The following DAPL1 variants were observed in gnomAD, a reference collection of about 807,000 sequenced individuals.
DAPL1 encodes the protein death-associated protein-like 1.
DAPL1 carries 17 observed loss-of-function variants against 12.9 expected under a neutral mutation model. The observed-to-expected ratio is 1.32, with a 90% confidence interval of 0.90 to 1.98. The LOEUF (loss-of-function observed/expected upper bound fraction) is 1.98, where lower values mean the gene tolerates loss of function less well. DAPL1 is among the 30% of genes most tolerant of loss of function. The pLI is 0.00. For missense variants in DAPL1, 157 were observed against 125.7 expected, an observed-to-expected ratio of 1.25 and a Z score of -1.19; for synonymous variants, 51 against 42.0, an observed-to-expected ratio of 1.21 and a Z score of -0.82.
chr2:158,796,491 G>A (rs1362489296), intron 1 of DAPL1, among the ~76,000 whole-genome samples: 1 of 152,072 alleles, frequency 6.6e-6, no homozygotes, highest in Non-Finnish European at 1.5e-5. Flanking sequence ...GATTACTGAT[G>A]TTTTATATTT....
chr2:158,810,064 C>T (rs888269831), intron 3 of DAPL1, among the ~76,000 whole-genome samples: 1 of 152,154 alleles, frequency 6.6e-6, no homozygotes, highest in Admixed American at 6.5e-5. Flanking sequence ...TAGTCACAAA[C>T]TGTATGTACT....
rs546076818 is a variant in DAPL1, at chr2:158,797,649, G to A, written c.58+2219G>A. Among the ~76,000 whole-genome samples, 156 of 152,120 alleles carry A rather than the reference G, an allele frequency of 1.0e-3. 1 individual carries two copies. The highest frequency in any genetic ancestry group is 3.3e-3 in the African/African-American group (135 of 41,496). On this transcript the variant is annotated intron_variant, in intron 1 of 3. Transcript: ENST00000309950. ...TCTATTAAAAATACAAAAATTAGCC[G>A]GGCGTGGGGCATGTGCCTGTAATCC...
chr2:158,814,601 G>A (rs376994576), intron 3 of DAPL1, among the ~76,000 whole-genome samples: 29 of 152,256 alleles, frequency 1.9e-4, no homozygotes, highest in Admixed American at 3.9e-4. Flanking sequence ...GTCACATTTC[G>A]TATGAAAGGG....
intron 1 of DAPL1, among the ~76,000 whole-genome samples, chr2:158,797,193 C>A (rs2059139337): frequency 6.6e-6 from 1 of 152,104 alleles, no homozygotes; most frequent in Non-Finnish European, 1.5e-5. Flanking sequence ...TGGGTTTGAA[C>A]CTCAACTTCA....
rs114898151 is a variant in DAPL1 at position 158,797,351 on chromosome 2, C to T, written c.58+1921C>T. On this transcript the variant is annotated intron_variant, in intron 1 of 3. Coordinates refer to ENST00000309950, the MANE Select transcript of DAPL1 (RefSeq NM_001017920.3). The stretch of plus-strand genomic sequence containing the variant: ...TGTTAGCCCCCTTAAAATGCAGGCC[C>T]GGTAGAACACATCACTATCAAAAGA... 6.0e-3 allele frequency among the ~76,000 whole-genome samples: 909 copies of T among 152,176 alleles called. 7 individuals are homozygous for T. Among genetic ancestry groups the T allele is most frequent in the South Asian group, 0.013 (64 of 4,818 alleles).
intron 2 of DAPL1, among the ~76,000 whole-genome samples, chr2:158,806,447 G>C (rs531789639): frequency 6.6e-6 from 1 of 152,142 alleles, no homozygotes; most frequent in African/African-American, 2.4e-5. Flanking sequence ...ATCCTTAGGG[G>C]CAGCTGGTTT....
At position 158,815,756 on chromosome 2, in the gene DAPL1, C is replaced by A. The variant is rs928590933; in HGVS notation, c.259C>A (p.Pro87Thr). ...TVHMAHQKPTPALEKVVPLKR... is the reference protein window; with the variant it reads ...TVHMAHQKPTTALEKVVPLKR... The stretch of plus-strand genomic sequence containing the variant: ...GCACATGGCGCATCAAAAACCCACA[C>A]CTGCTCTGGAAAAGGTTGTTCCACT... Residue 87 changes from proline (P) to threonine (T), a missense_variant, in exon 4 of 4, where the codon CCT becomes ACT. Pro to Thr is a conservative substitution (Grantham distance 38). Coordinates refer to ENST00000309950, the MANE Select transcript of DAPL1 (RefSeq NM_001017920.3). The A allele has an allele frequency of 2.5e-6, 4 of 1,613,966 alleles. No individual in the cohort carries two copies. The African/African-American group carries it at 4.0e-5, about 16-fold the overall frequency.
At chr2:158,813,839 G>C (rs1575231721) in intron 3 of DAPL1, among the ~76,000 whole-genome samples, 1 of 152,028 alleles carries the variant, frequency 6.6e-6, no homozygotes, top group Non-Finnish European at 1.5e-5. Context: ...GCAGGTGTGG[G>C]CCACCGAGCC....
At chr2:158,813,557 C>CTTTTTTT (rs11355982) in intron 3 of DAPL1, among the ~76,000 whole-genome samples, 1 of 132,896 alleles carries the variant, frequency 7.5e-6, no homozygotes, top group African/African-American at 2.9e-5. Flanking sequence ...TTTCCTTTTT[C>CTTTTTTT]TTTTTTTTTT....
At chr2:158,806,816 A>G (rs2059204383) in intron 2 of DAPL1, among the ~76,000 whole-genome samples, 1 of 150,568 alleles carries the variant, frequency 6.6e-6, no homozygotes, top group Admixed American at 6.7e-5. Context: ...AGCTTGGGCA[A>G]CAAGAGCGAA....
intron 1 of DAPL1, among the ~76,000 whole-genome samples, chr2:158,801,796 G>A (rs186444785): frequency 1.1e-4 from 16 of 152,156 alleles, no homozygotes; most frequent in African/African-American, 3.9e-4. Context: ...GCAAATTTCT[G>A]ACTGGCAAAA....
rs1280205126 is a variant in DAPL1, at chr2:158,795,420, T to C, written c.48T>C (p.His16=). 6 of 1,555,012 alleles carry C rather than the reference T, an allele frequency of 3.9e-6. No individual in the cohort carries two copies. The highest frequency in any genetic ancestry group is 5.2e-6 in the Non-Finnish European group (6 of 1,148,938). Residue 16 remains histidine, a synonymous_variant, in exon 1 of 4, where the codon CAT becomes CAC. Transcript: ENST00000309950. Reference sequence around the variant, plus strand: ...TGCTCTCCCCTCGGAAAGGGGGACATCCTCCTGCAGGTAGGCTGCCACCTG... The same window carrying C: ...TGCTCTCCCCTCGGAAAGGGGGACACCCTCCTGCAGGTAGGCTGCCACCTG... The part of the protein sequence containing the change: ...QDLLSPRKGG[H]PPAVKAGGMR...
At chr2:158,804,414 T>G (rs184790656) in intron 2 of DAPL1, 45 bp downstream of exon 2, 3 of 1,388,164 alleles carry the variant, frequency 2.2e-6, no homozygotes, top group African/African-American at 1.4e-5. Context: ...GAGTTTTGAG[T>G]GACTCTGCCT....
At chr2:158,813,543 C>G (rs971846443) in intron 3 of DAPL1, among the ~76,000 whole-genome samples, 1 of 146,904 alleles carries the variant, frequency 6.8e-6, no homozygotes, top group Non-Finnish European at 1.5e-5. Context: ...TAACACTACT[C>G]TCCTTTCCTT....
intron 3 of DAPL1, 118 bp from the exon 4 acceptor site, chr2:158,815,587 A>C: frequency 1.3e-6 from 1 of 748,538 alleles, no homozygotes. Context: ...AGATATTATC[A>C]AATAAATAAA....
intron 2 of DAPL1, 41 bp from the exon 3 acceptor site, chr2:158,807,014 A>AT: frequency 1.3e-6 from 2 of 1,567,984 alleles, no homozygotes; most frequent in Non-Finnish European, 1.8e-6. Flanking sequence ...CAGTGGGAAA[A>AT]TTTTTTAAGT....
chr2:158,798,070 G>A (rs2059144577), intron 1 of DAPL1, among the ~76,000 whole-genome samples: 1 of 152,120 alleles, frequency 6.6e-6, no homozygotes. Flanking sequence ...TGTGTGAGTA[G>A]AAGTTGACCC....
chr2:158,804,288 C>A lies in DAPL1; in HGVS notation c.65C>A (p.Ala22Asp). Residue 22 changes from alanine (A) to aspartate (D), a missense_variant, in exon 2 of 4, where the codon GCT (alanine) becomes GAT (aspartate). Transcript: ENST00000309950. ...RKGGHPPAVK[A>D]GGMRISKKQE... ...GATTTTTATCTGTTTGTAGTAAAAG[C>A]TGGAGGAATGAGAATTTCCAAAAAA... The A allele has an allele frequency of 6.2e-7, 1 of 1,606,866 alleles. No individual in the cohort carries two copies. Among genetic ancestry groups the A allele is most frequent in the Non-Finnish European group, 8.5e-7 (1 of 1,175,496 alleles).
chr2:158,807,100 T>C lies in DAPL1; in HGVS notation c.192T>C (p.Asn64=), dbSNP rs2059206935. ...AAATACAGACACTGGATGCCCTGAATGACGCACTGGAGAAGGTGAGCCGTG... is the reference window on the plus strand; with the variant it reads ...AAATACAGACACTGGATGCCCTGAACGACGCACTGGAGAAGGTGAGCCGTG... ...VAKIQTLDAL[N]DALEKLNYKF... is the part of the protein sequence containing the mutation. Residue 64 remains asparagine (N), a synonymous_variant, in exon 3 of 4, where the codon AAT becomes AAC. Transcript: ENST00000309950. The C allele has an allele frequency of 1.2e-6, 2 of 1,611,246 alleles. No individual in the cohort carries two copies. The highest frequency in any genetic ancestry group is 1.7e-5 in the Admixed American group (1 of 59,928).
Sources: allele counts gnomAD v4.1 joint callset (sites outside exome capture counted in the v4.1 genomes callset), GRCh38; gene constraint gnomAD v4.1.1; transcripts MANE v1.5; gene names NCBI Gene and HGNC (gene_info 2026-07-23, HGNC 2026-07-21).